Variants in ZNF385D observed in about 807,000 individuals in gnomAD.
ZNF385D encodes the protein zinc finger protein 659.
ZNF385D carries 15 observed loss-of-function variants against 35.8 expected under a neutral mutation model. That is an observed-to-expected ratio of 0.42 (90% CI 0.28 to 0.64). The LOEUF is 0.64. Ranked by LOEUF, ZNF385D falls within the 30% of genes least tolerant of loss-of-function variation. The pLI is 0.23. For missense variants in ZNF385D, 474 were observed against 494.6 expected (o/e 0.96, Z 0.39); for synonymous variants, 212 against 186.8 (o/e 1.13, Z -1.10).
At chr3:21,860,281 T>A (rs188928114) in intron 3 of ZNF385D, among the ~76,000 whole-genome samples, 2 of 152,254 alleles carry the variant, frequency 1.3e-5, no homozygotes, top group Non-Finnish European at 2.9e-5. Context: ...CTCACTGCAA[T>A]TCAAAACAGT....
At chr3:21,600,402 G>C (rs1315207342) in intron 2 of ZNF385D, among the ~76,000 whole-genome samples, 1 of 152,118 alleles carries the variant, frequency 6.6e-6, no homozygotes, top group African/African-American at 2.4e-5. Flanking sequence ...TTGAAGAGAT[G>C]AGCAATTTGT....
intron 4 of ZNF385D, among the ~76,000 whole-genome samples, chr3:21,493,494 A>AG (rs2125412548): frequency 6.6e-6 from 1 of 152,272 alleles, no homozygotes; most frequent in African/African-American, 2.4e-5. Flanking sequence ...CCTTTGTATG[A>AG]AAAACTATGA....
chr3:22,168,657 G>A, intron 3 of ZNF385D: 1 of 304,982 alleles, frequency 3.3e-6, no homozygotes, highest in Non-Finnish European at 4.8e-6. Context: ...CACTCTCAAA[G>A]AGAAATGATG....
intron 2 of ZNF385D, among the ~76,000 whole-genome samples, chr3:22,353,041 A>G (rs1695988690): frequency 6.6e-6 from 1 of 152,166 alleles, no homozygotes; most frequent in Admixed American, 6.6e-5. Context: ...AAGATAAGGT[A>G]AGAAGGAAGA....
At chr3:21,907,898 A>T (rs1045326619) in intron 3 of ZNF385D, among the ~76,000 whole-genome samples, 2 of 152,078 alleles carry the variant, frequency 1.3e-5, no homozygotes, top group African/African-American at 4.8e-5. Flanking sequence ...GTAATTGGAG[A>T]ACTTGCCTAT....
chr3:22,025,694 G>A (rs1005030495), intron 3 of ZNF385D, among the ~76,000 whole-genome samples: 11 of 152,170 alleles, frequency 7.2e-5, no homozygotes, highest in Non-Finnish European at 1.5e-4. Context: ...ATCTCCCTTG[G>A]TTTAATGTAG....
At chr3:22,307,568 A>C (rs1703298971) in intron 2 of ZNF385D, among the ~76,000 whole-genome samples, 2 of 152,158 alleles carry the variant, frequency 1.3e-5, no homozygotes, top group Admixed American at 1.3e-4. Flanking sequence ...CATGTAACAC[A>C]TATGGTATTT....
chr3:21,907,581 C>G (rs545501577), intron 3 of ZNF385D, among the ~76,000 whole-genome samples: 3 of 151,868 alleles, frequency 2.0e-5, no homozygotes, highest in African/African-American at 7.3e-5. Flanking sequence ...TAAATGTGCA[C>G]GAGTCAGATT....
At chr3:21,567,236 A>AACTT (rs2063180139) in intron 2 of ZNF385D, among the ~76,000 whole-genome samples, 3 of 152,278 alleles carry the variant, frequency 2.0e-5, no homozygotes, top group Admixed American at 2.0e-4. Context: ...CAAACATTAA[A>AACTT]ACTTAATTTA....
chr3:21,511,313 A>G (rs1185911622), intron 3 of ZNF385D, among the ~76,000 whole-genome samples: 1 of 152,198 alleles, frequency 6.6e-6, no homozygotes, highest in Non-Finnish European at 1.5e-5. Flanking sequence ...AAAAAAAATA[A>G]GAATTTACAC....
chr3:22,097,291 T>C (rs777692360), intron 3 of ZNF385D, among the ~76,000 whole-genome samples: 16 of 152,074 alleles, frequency 1.1e-4, no homozygotes, highest in Non-Finnish European at 2.1e-4. Context: ...ACCTGGAGGT[T>C]TGATGCTTCC....
intron 2 of ZNF385D, among the ~76,000 whole-genome samples, chr3:21,656,007 TG>T (rs1036533466): frequency 1.4e-4 from 22 of 152,082 alleles, no homozygotes; most frequent in African/African-American, 4.3e-4. Context: ...CAATATATCG[TG>T]TATTTACTTC....
chr3:22,301,842 A>G (rs1256713866), intron 2 of ZNF385D, among the ~76,000 whole-genome samples: 1 of 152,094 alleles, frequency 6.6e-6, no homozygotes, highest in African/African-American at 2.4e-5. Flanking sequence ...TTGATTTTTA[A>G]AATTATGTAG....
At chr3:22,129,247 C>T (rs543406888) in intron 3 of ZNF385D, among the ~76,000 whole-genome samples, 1 of 152,268 alleles carries the variant, frequency 6.6e-6, no homozygotes, top group South Asian at 2.1e-4. Flanking sequence ...CACAAGCATT[C>T]CCATGGCCAC....
At chr3:22,334,027 T>C (rs550410735) in intron 2 of ZNF385D, among the ~76,000 whole-genome samples, 6 of 152,222 alleles carry the variant, frequency 3.9e-5, no homozygotes, top group Non-Finnish European at 7.3e-5. Flanking sequence ...GCTTATTTCA[T>C]CTTACCTAGA....
intron 3 of ZNF385D, among the ~76,000 whole-genome samples, chr3:22,060,461 T>C (rs755991324): frequency 6.6e-6 from 1 of 152,214 alleles, no homozygotes; most frequent in African/African-American, 2.4e-5. Context: ...GGGACAGGAA[T>C]AGCATAGTGA....
chr3:21,759,805 A>G (rs1399696795), intron 3 of ZNF385D, among the ~76,000 whole-genome samples: 3 of 152,230 alleles, frequency 2.0e-5, no homozygotes, highest in South Asian at 2.1e-4. Flanking sequence ...GAGATTCTTC[A>G]TGATAAATTG....
chr3:21,809,162 C>T (rs2072790795), intron 3 of ZNF385D, among the ~76,000 whole-genome samples: 1 of 151,848 alleles, frequency 6.6e-6, no homozygotes, highest in South Asian at 2.1e-4. Context: ...TTGAAATTAG[C>T]TAAGAAGGAT....
At chr3:22,229,776 TC>T (rs948641495) in intron 2 of ZNF385D, among the ~76,000 whole-genome samples, 6 of 152,138 alleles carry the variant, frequency 3.9e-5, no homozygotes, top group African/African-American at 1.4e-4. Flanking sequence ...CTGGATACGT[TC>T]TTTATCAAGG....
Sources: gnomAD v4.1 joint callset for allele counts (sites outside exome capture counted in the v4.1 genomes callset) on GRCh38, gnomAD v4.1.1 for gene constraint, MANE v1.5 for transcripts, NCBI Gene and HGNC (gene_info 2026-07-23, HGNC 2026-07-21) for gene names.